The following CCSER1 variants were observed in gnomAD, a reference collection of about 807,000 sequenced individuals.
CCSER1 encodes the protein coiled-coil serine rich protein 1.
In CCSER1, 41 loss-of-function variants were observed where a neutral mutation model predicts 82.0. That is an observed-to-expected ratio of 0.50 (90% CI 0.39 to 0.65). CCSER1 has a LOEUF of 0.65. Among genes scored for constraint, CCSER1 ranks in the 30% least tolerant of loss-of-function variants. The pLI is 0.00. For synonymous variants in CCSER1, 414 were observed against 383.9 expected (o/e 1.08, Z -0.92); for missense variants, 1,119 against 1,064.2 (o/e 1.05, Z -0.72).
chr4:91,462,947 CAAA>C (rs1167016500), intron 10 of CCSER1, among the ~76,000 whole-genome samples: 2 of 152,148 alleles, frequency 1.3e-5, no homozygotes, highest in African/African-American at 4.8e-5. Flanking sequence ...CATAGCCGAA[CAAA>C]AAGCAGCAGA....
chr4:90,205,212 A>G (rs1276835323), intron 1 of CCSER1, among the ~76,000 whole-genome samples: 2 of 152,204 alleles, frequency 1.3e-5, no homozygotes, highest in Non-Finnish European at 2.9e-5. Context: ...TGCCCTGGCC[A>G]GAACTTCCAA....
At chr4:91,164,132 C>A (rs1284134383) in intron 10 of CCSER1, among the ~76,000 whole-genome samples, 1 of 152,260 alleles carries the variant, frequency 6.6e-6, no homozygotes, top group African/African-American at 2.4e-5. Flanking sequence ...CTGGTGGTGA[C>A]AAAATCTCTC....
At chr4:91,078,427 T>A (rs1269491558) in intron 9 of CCSER1, among the ~76,000 whole-genome samples, 1 of 152,098 alleles carries the variant, frequency 6.6e-6, no homozygotes, top group Non-Finnish European at 1.5e-5. Flanking sequence ...CATCTGTACG[T>A]CACCATCATC....
At chr4:90,591,707 T>C (rs1025887723) in intron 5 of CCSER1, among the ~76,000 whole-genome samples, 2 of 152,184 alleles carry the variant, frequency 1.3e-5, no homozygotes, top group African/African-American at 2.4e-5. Context: ...GGGTTATAAA[T>C]CATTCTACTA....
intron 5 of CCSER1, among the ~76,000 whole-genome samples, chr4:90,507,442 C>A (rs1290012823): frequency 6.6e-6 from 1 of 151,776 alleles, no homozygotes; most frequent in Non-Finnish European, 1.5e-5. Flanking sequence ...CAGTTAATCT[C>A]TGTGATTTTT....
intron 10 of CCSER1, among the ~76,000 whole-genome samples, chr4:91,373,817 T>C (rs1446948432): frequency 6.6e-6 from 1 of 152,132 alleles, no homozygotes; most frequent in Non-Finnish European, 1.5e-5. Flanking sequence ...AGCCACGTTG[T>C]GAATCAAAGG....
intron 1 of CCSER1, among the ~76,000 whole-genome samples, chr4:90,295,099 A>G (rs1173237525): frequency 6.6e-6 from 1 of 151,974 alleles, no homozygotes; most frequent in Non-Finnish European, 1.5e-5. Flanking sequence ...AATTTTAAAA[A>G]TTCTCATATT....
chr4:90,816,681 A>G (rs566322170), intron 8 of CCSER1, among the ~76,000 whole-genome samples: 1 of 152,238 alleles, frequency 6.6e-6, no homozygotes, highest in East Asian at 1.9e-4. Flanking sequence ...ACCCTGACTC[A>G]TTATCAAGAT....
In CCSER1 at chr4:91,213,110, C is replaced by T. The variant is rs201951598; in HGVS notation, c.2217+127116C>T. 6.0e-3 allele frequency among the ~76,000 whole-genome samples: 703 copies of T among 117,398 alleles called. 24 individuals carry two copies. In the East Asian group the frequency reaches 0.12, roughly 21 times the overall value. The allele number at this position is 117,398 out of a possible 152,430, so 77.0% of individuals were successfully genotyped here. A position where few individuals can be genotyped will look rare whatever the true frequency, so the allele number is the denominator to read the frequency against. On this transcript the variant is annotated intron_variant, in intron 10 of 10. Transcript: ENST00000509176. ...GCTACATAGTATTACATGGCATATA[C>T]GCACCACTTTTTTAAATCTAATCCA...
intron 10 of CCSER1, among the ~76,000 whole-genome samples, chr4:91,160,378 T>C (rs955047611): frequency 1.2e-4 from 19 of 152,204 alleles, no homozygotes; most frequent in African/African-American, 3.9e-4. Context: ...GTCTTTATAG[T>C]ACCATGATTT....
At chr4:91,588,753 T>C (rs1764129323) in intron 10 of CCSER1, among the ~76,000 whole-genome samples, 1 of 151,798 alleles carries the variant, frequency 6.6e-6, no homozygotes, top group African/African-American at 2.4e-5. Flanking sequence ...CATTGCCTTG[T>C]GTATGTCCCC....
rs562262359 is a variant in CCSER1 at position 91,091,558 on chromosome 4, G to A, written c.2217+5564G>A. ...ATGTTATAAGGAAAATAAGTCCCAC[G>A]ACTATTTTCCTCATGCTTCAGCCAT... is the stretch of plus-strand genomic sequence containing the variant. On this transcript the variant is annotated intron_variant, in intron 10 of 10. Transcript: ENST00000509176. Among the ~76,000 whole-genome samples the A allele has an allele frequency of 5.3e-5, 8 of 152,270 alleles. No homozygotes were observed. In the South Asian group the frequency reaches 1.7e-3, roughly 32 times the overall value.
At chr4:90,616,738 CAAAT>C (rs1289798516) in intron 5 of CCSER1, among the ~76,000 whole-genome samples, 6 of 57,806 alleles carry the variant, frequency 1.0e-4, no homozygotes, top group Admixed American at 4.7e-4. Context: ...CACACACACA[CAAAT>C]AAAATAAAAT....
chr4:91,038,870 A>AG (rs1741677677), intron 9 of CCSER1, among the ~76,000 whole-genome samples: 1 of 152,186 alleles, frequency 6.6e-6, no homozygotes, highest in African/African-American at 2.4e-5. Flanking sequence ...GTGGCCAGAA[A>AG]GAGGACACAG....
chr4:91,377,034 A>C (rs191959984), intron 10 of CCSER1, among the ~76,000 whole-genome samples: 1 of 152,010 alleles, frequency 6.6e-6, no homozygotes, highest in Non-Finnish European at 1.5e-5. Context: ...TTTGCTGAGA[A>C]TGACGGTTTC....
intron 8 of CCSER1, among the ~76,000 whole-genome samples, chr4:90,859,807 C>G (rs929435587): frequency 6.6e-6 from 1 of 151,716 alleles, no homozygotes; most frequent in African/African-American, 2.4e-5. Flanking sequence ...GATTAGGAAT[C>G]AAAGTGAATA....
At chr4:90,736,548 A>C (rs1745675755) in intron 7 of CCSER1, among the ~76,000 whole-genome samples, 1 of 151,958 alleles carries the variant, frequency 6.6e-6, no homozygotes, top group Non-Finnish European at 1.5e-5. Context: ...TCCATTTGCA[A>C]GGAATATCTT....
chr4:91,466,319 ACT>A (rs1411055635), intron 10 of CCSER1, among the ~76,000 whole-genome samples: 1 of 152,050 alleles, frequency 6.6e-6, no homozygotes, highest in Non-Finnish European at 1.5e-5. Flanking sequence ...CATGCTAAAA[ACT>A]CTCAATAAAT....
At position 91,128,577 on chromosome 4, in the gene CCSER1, C is replaced by T. The variant is rs978895242; in HGVS notation, c.2217+42583C>T. ...AAATTAATACAAAACAAAACAAAAT[C>T]AGGAAATTATGATTGTTCCTAATCC... On this transcript the variant is annotated intron_variant, in intron 10 of 10. Transcript: ENST00000509176. 3.9e-5 allele frequency among the ~76,000 whole-genome samples: 6 copies of T among 151,966 alleles called. No homozygotes were observed. In the East Asian group the frequency reaches 5.8e-4, roughly 15 times the overall value.
Sources: gnomAD v4.1 joint callset for allele counts (sites outside exome capture counted in the v4.1 genomes callset) on GRCh38, gnomAD v4.1.1 for gene constraint, MANE v1.5 for transcripts, NCBI Gene and HGNC (gene_info 2026-07-23, HGNC 2026-07-21) for gene names.